GLIS3: variants seen among roughly 807,000 people sequenced by gnomAD.
The protein encoded by GLIS3 is GLIS family zinc finger 3, also known as zinc finger protein GLIS3.
A neutral mutation model predicts 78.6 loss-of-function variants in GLIS3; 53 were observed. That is an observed-to-expected ratio of 0.67 (90% confidence interval 0.54 to 0.85). The LOEUF (loss-of-function observed/expected upper bound fraction) is 0.85, where lower values mean the gene tolerates loss of function less well. Ranked by LOEUF, GLIS3 falls within the 40% of genes least tolerant of loss-of-function variation. The pLI, the probability that GLIS3 is intolerant of heterozygous loss-of-function variation, is 0.00. For missense variants in GLIS3, 1,703 were observed against 1,231.1 expected, an observed-to-expected ratio of 1.38 and a Z score of -5.74; for synonymous variants, 684 against 509.9, an observed-to-expected ratio of 1.34 and a Z score of -4.60.
intron 2 of GLIS3, among the ~76,000 whole-genome samples, chr9:4,184,010 C>A (rs760262332): frequency 1.6e-4 from 24 of 151,756 alleles, no homozygotes; most frequent in Non-Finnish European, 3.1e-4. Flanking sequence ...TTTTTATTTC[C>A]ATAGGAAATC....
intron 2 of GLIS3, among the ~76,000 whole-genome samples, chr9:4,238,210 G>C (rs1339260682): frequency 6.6e-6 from 1 of 152,114 alleles, no homozygotes; most frequent in Non-Finnish European, 1.5e-5. Context: ...CTGAGAGACC[G>C]AAACAATGTG....
At chr9:4,267,410 G>A (rs1037752277) in intron 2 of GLIS3, among the ~76,000 whole-genome samples, 2 of 152,182 alleles carry the variant, frequency 1.3e-5, no homozygotes, top group African/African-American at 4.8e-5. Context: ...TCTAAGCAGT[G>A]CTTTGCCAGT....
the GLIS3 span, among the ~76,000 whole-genome samples, chr9:4,376,417 A>G: frequency 7.3e-6 from 1 of 137,614 alleles, no homozygotes; most frequent in African/African-American, 2.5e-5. Flanking sequence ...AGTAGAATCT[A>G]TATGCTCTCT....
At chr9:4,332,786 CTCTACACA>C (rs1416354096) in intron 2 of GLIS3, among the ~76,000 whole-genome samples, 2 of 152,080 alleles carry the variant, frequency 1.3e-5, no homozygotes, top group Admixed American at 1.3e-4. Context: ...ATAGGTGTTC[CTCTACACA>C]TCTATTCAGT....
Position 3,856,102 on chromosome 9 carries a change from G to T in GLIS3, c.2380C>A (p.Pro794Thr), listed in dbSNP as rs936028978. Residue 794 changes from proline to threonine, a missense_variant, in exon 9 of 11, where the codon CCT becomes ACT. By Grantham distance (38) the Pro-to-Thr change is conservative (BLOSUM62 -1). Coordinates refer to ENST00000381971, the MANE Select transcript of GLIS3 (RefSeq NM_001042413.2). Reference protein sequence around the residue: ...APSSILQRTQPPYTQQPSGSH... With the variant: ...APSSILQRTQTPYTQQPSGSH... The stretch of plus-strand genomic sequence containing the variant: ...CCTGATGGCTGCTGGGTATAGGGAG[G>T]CTGTGTTCTTTGCAGTATTGAAGAA... 5 of 1,614,180 alleles carry T rather than the reference G, an allele frequency of 3.1e-6. No homozygotes were observed. The highest frequency in any genetic ancestry group is 1.7e-5 in the Admixed American group (1 of 60,020).
the GLIS3 span, among the ~76,000 whole-genome samples, chr9:4,381,075 G>T: frequency 2.6e-5 from 4 of 152,144 alleles, no homozygotes; most frequent in African/African-American, 9.7e-5. Context: ...GTAGTCACTG[G>T]TCAGAGGGGA....
intron 4 of GLIS3, among the ~76,000 whole-genome samples, chr9:4,057,860 T>C (rs954878362): frequency 6.6e-6 from 1 of 152,138 alleles, no homozygotes; most frequent in Non-Finnish European, 1.5e-5. Flanking sequence ...GATGGGCTTA[T>C]GCAAGATGTA....
At chr9:4,379,570 G>C in the GLIS3 span, among the ~76,000 whole-genome samples, 22 of 152,220 alleles carry the variant, frequency 1.4e-4, no homozygotes, top group Admixed American at 1.0e-3. Context: ...GGATCTGGGA[G>C]CTAAACCTTG....
chr9:4,367,131 C>G, the GLIS3 span, among the ~76,000 whole-genome samples: 1 of 152,236 alleles, frequency 6.6e-6, no homozygotes, highest in East Asian at 1.9e-4. Context: ...TCAAAGCTCT[C>G]CAATGATCCT....
chr9:3,853,120 G>C (rs1285673902), intron 9 of GLIS3, among the ~76,000 whole-genome samples: 1 of 152,154 alleles, frequency 6.6e-6, no homozygotes, highest in Non-Finnish European at 1.5e-5. Context: ...GCTAAAATAA[G>C]ACTGAACCCA....
chr9:4,108,778 T>C (rs1230928017), intron 4 of GLIS3, among the ~76,000 whole-genome samples: 1 of 152,126 alleles, frequency 6.6e-6, no homozygotes, highest in African/African-American at 2.4e-5. Flanking sequence ...ATCTGCCTCA[T>C]AAATTTTAAA....
intron 6 of GLIS3, among the ~76,000 whole-genome samples, chr9:3,925,807 T>C (rs1245687368): frequency 6.6e-6 from 1 of 152,242 alleles, no homozygotes; most frequent in Non-Finnish European, 1.5e-5. Flanking sequence ...GTGTTTGAGA[T>C]CTTTATTTAG....
chr9:4,080,193 CAT>C (rs1828436895), intron 4 of GLIS3, among the ~76,000 whole-genome samples: 1 of 152,200 alleles, frequency 6.6e-6, no homozygotes, highest in Admixed American at 6.5e-5. Context: ...AGACACCTGA[CAT>C]ATTAGTTTTC....
chr9:4,294,920 A>G (rs1323082775), intron 1 of GLIS3, among the ~76,000 whole-genome samples: 1 of 152,236 alleles, frequency 6.6e-6, no homozygotes, highest in African/African-American at 2.4e-5. Flanking sequence ...ACCCACATCT[A>G]TAATTTACTG....
intron 4 of GLIS3, among the ~76,000 whole-genome samples, chr9:4,079,780 A>G (rs1163339751): frequency 6.6e-6 from 1 of 152,084 alleles, no homozygotes; most frequent in Non-Finnish European, 1.5e-5. Context: ...AACCTACCTG[A>G]AACAGGTTGC....
intron 4 of GLIS3, among the ~76,000 whole-genome samples, chr9:4,102,861 C>G (rs868089235): frequency 6.6e-6 from 1 of 151,984 alleles, no homozygotes; most frequent in Admixed American, 6.6e-5. Context: ...ACTGTTGCAA[C>G]CTCCATTTTC....
At chr9:4,290,319 G>C (rs1296423817) in intron 1 of GLIS3, among the ~76,000 whole-genome samples, 1 of 152,118 alleles carries the variant, frequency 6.6e-6, no homozygotes, top group African/African-American at 2.4e-5. Flanking sequence ...ATACTGGCCA[G>C]CAAACAAACT....
chr9:4,199,415 A>G (rs1182223035), intron 2 of GLIS3, among the ~76,000 whole-genome samples: 2 of 151,520 alleles, frequency 1.3e-5, no homozygotes, highest in African/African-American at 4.8e-5. Context: ...AACTATCCTT[A>G]TATCATATAA....
intron 2 of GLIS3, among the ~76,000 whole-genome samples, chr9:4,317,760 A>G (rs982902872): frequency 3.3e-5 from 5 of 152,232 alleles, no homozygotes; most frequent in African/African-American, 1.2e-4. Flanking sequence ...CATGAAGCTC[A>G]GAATTTATTT....
Sources: allele counts gnomAD v4.1 joint callset (sites outside exome capture counted in the v4.1 genomes callset), GRCh38; gene constraint gnomAD v4.1.1; transcripts MANE v1.5; gene names NCBI Gene and HGNC (gene_info 2026-07-23, HGNC 2026-07-21).